The following NOTCH2 variants were observed in gnomAD, a reference collection of about 807,000 sequenced individuals.
NOTCH2 encodes notch receptor 2, also known as neurogenic locus notch homolog protein 2.
In NOTCH2, 29 loss-of-function variants were observed where a neutral mutation model predicts 235.8. The observed-to-expected ratio is 0.12, with a 90% confidence interval of 0.09 to 0.17. The LOEUF (loss-of-function observed/expected upper bound fraction) is 0.17. Ranked by LOEUF, NOTCH2 falls within the 10% of genes least tolerant of loss-of-function variation. NOTCH2 has a pLI of 1.00. For synonymous variants in NOTCH2, 1,086 were observed against 1,141.5 expected (o/e 0.95, Z 0.98); for missense variants, 2,285 against 3,150.2 (o/e 0.73, Z 6.57).
Position 119,941,452 on chromosome 1 carries a change from T to A in NOTCH2, c.2981+74A>T. On this transcript the variant is annotated intron_variant, in intron 18 of 33. Transcript: ENST00000256646. The stretch of plus-strand genomic sequence containing the variant: ...TCATCCCTGCTCCACAATTCTAGCA[T>A]TGTGCTCTGAAATTTCCTTCCCTTT... 3.8e-6 allele frequency: 4 copies of A among 1,051,688 alleles called. No homozygotes were observed. The South Asian group carries it at 5.2e-5, about 14-fold the overall frequency. 65.1% of individuals were successfully genotyped at this position (1,051,688 alleles called of 1,614,324 possible).
intron 11 of NOTCH2, among the ~76,000 whole-genome samples, chr1:119,961,833 T>A (rs1428029334): frequency 2.6e-5 from 4 of 152,100 alleles, no homozygotes; most frequent in African/African-American, 9.7e-5. Flanking sequence ...ATTTCTTCCA[T>A]CCACTCCCCT....
intron 1 of NOTCH2, among the ~76,000 whole-genome samples, chr1:120,063,750 T>A (rs1288974778): frequency 1.3e-5 from 2 of 152,198 alleles, no homozygotes; most frequent in South Asian, 2.1e-4. Flanking sequence ...AAAACTTTCC[T>A]AATGTAAGAA....
In NOTCH2 at chr1:120,011,782, C is replaced by G. The variant is rs587724968; in HGVS notation, c.156-6194G>C. Among the ~76,000 whole-genome samples, 5 of 151,966 alleles carry G rather than the reference C, an allele frequency of 3.3e-5. No homozygotes were observed. The East Asian group carries it at 9.7e-4, about 29-fold the overall frequency. On this transcript the variant is annotated intron_variant, in intron 2 of 33. Transcript: ENST00000256646. ...CTGTAATCTCAGCACTTTGGGAGAC[C>G]GAGGCAGGCAGATCACCAGGTCAGG... is the stretch of plus-strand genomic sequence containing the variant.
chr1:120,039,065 C>T (rs1454704816), intron 1 of NOTCH2, among the ~76,000 whole-genome samples: 4 of 151,910 alleles, frequency 2.6e-5, no homozygotes, highest in African/African-American at 9.7e-5. Context: ...AGTAGGTTCA[C>T]TAATACACAT....
intron 26 of NOTCH2, 152 bp from the exon 27 acceptor site, chr1:119,922,930 T>C: frequency 2.3e-6 from 2 of 874,796 alleles, no homozygotes; most frequent in Middle Eastern, 6.8e-4. Flanking sequence ...CCTTAAGACA[T>C]ATCTCAGGAA....
intron 17 of NOTCH2, among the ~76,000 whole-genome samples, chr1:119,945,140 G>A (rs587690581): frequency 1.3e-5 from 2 of 152,198 alleles, no homozygotes; most frequent in African/African-American, 4.8e-5. Context: ...TGGTACGATT[G>A]AAGGTACATT....
At chr1:120,027,428 T>C (rs1264427255) in intron 2 of NOTCH2, among the ~76,000 whole-genome samples, 1 of 148,502 alleles carries the variant, frequency 6.7e-6, no homozygotes, top group African/African-American at 2.5e-5. Flanking sequence ...CTGTATGGTA[T>C]TACCACCCTG....
chr1:120,027,366 CAT>C (rs1653899477), intron 2 of NOTCH2, among the ~76,000 whole-genome samples: 1 of 146,014 alleles, frequency 6.8e-6, no homozygotes, highest in African/African-American at 2.6e-5. Context: ...TGAAATTCTC[CAT>C]ATATAAGTCA....
rs782449791 is a variant in NOTCH2 at position 119,967,466 on chromosome 1, T to C, written c.1420A>G (p.Lys474Glu). 1 of 1,614,118 alleles carries C rather than the reference T, an allele frequency of 6.2e-7. No individual in the cohort carries two copies. Among genetic ancestry groups the C allele is most frequent in the South Asian group, 1.1e-5 (1 of 91,088 alleles). The change falls in exon 8 of 34, where the codon AAG becomes GAG. Residue 474 changes from lysine to glutamate, a missense_variant. Lys to Glu is a moderately conservative substitution (Grantham distance 56). Around this residue, in one of 6 missense-constraint regions of NOTCH2, gnomAD observed 431 missense variants for 757.8 expected, o/e 0.57. Transcript: ENST00000256646. The part of the protein sequence containing the change: ...PCQNDATCLD[K>E]IGGFTCLCMP... ...CACAGACATGTGAAGCCTCCAATCT[T>C]ATCCAGACAGGTAGCATCATTCTGG...
At chr1:120,004,099 T>C (rs1195120181) in intron 3 of NOTCH2, among the ~76,000 whole-genome samples, 2 of 151,620 alleles carry the variant, frequency 1.3e-5, no homozygotes, top group East Asian at 3.9e-4. Context: ...GATGTAGTAA[T>C]ATCATGGGTG....
chr1:120,051,159 C>T (rs1158684081), intron 1 of NOTCH2, among the ~76,000 whole-genome samples: 1 of 23,200 alleles, frequency 4.3e-5, no homozygotes, highest in Non-Finnish European at 6.0e-5. Flanking sequence ...CTATTCCTTG[C>T]CAACTGAGAT....
intron 1 of NOTCH2, 43 bp from the exon 2 acceptor site, chr1:120,030,030 C>T: frequency 1.8e-6 from 1 of 567,624 alleles, no homozygotes; most frequent in East Asian, 2.9e-5. Flanking sequence ...AGTCACTAAT[C>T]ATAACCCTCA....
In NOTCH2 at chr1:119,916,043, G is replaced by T. The variant is rs1447825836; in HGVS notation, c.6679C>A (p.His2227Asn). ...VLPSVSQLLS[H>N]HHIVSPGSGS... ...CTGCCTGGAGACACAATGTGGTGGT[G>T]GGATAGCAACTGGCTCACTGAGGGA... The change falls in exon 34 of 34, where the codon CAC becomes AAC. Residue 2227 changes from histidine (H) to asparagine (N), a missense_variant. Physicochemically the swap from His to Asn is moderately conservative, Grantham distance 68. Around this residue, in one of 6 missense-constraint regions of NOTCH2, gnomAD observed 504 missense variants for 538.0 expected, o/e 0.94. Coordinates refer to ENST00000256646, the MANE Select transcript of NOTCH2 (RefSeq NM_024408.4). 6.2e-7 allele frequency: 1 copy of T among 1,613,820 alleles called. No individual in the cohort carries two copies. The highest frequency in any genetic ancestry group is 1.1e-5 in the South Asian group (1 of 91,092).
Position 119,911,607 on chromosome 1 carries a change from T to C in NOTCH2, c.*3699A>G. ...AAATAAATGTATGAATGTGAACTTA[T>C]AACAAATTTATACACAAAATATTAT... is the stretch of plus-strand genomic sequence containing the variant. On this transcript the variant is annotated 3_prime_UTR_variant, in exon 34 of 34. Transcript: ENST00000256646. 1 of 231,922 alleles carries C rather than the reference T, an allele frequency of 4.3e-6. No homozygotes were observed. Among genetic ancestry groups the C allele is most frequent in the East Asian group, 6.2e-5 (1 of 16,234 alleles). The allele number at this position is 231,922 out of a possible 1,614,324, so 14.4% of individuals were successfully genotyped here.
At chr1:119,969,001 T>C (rs1651257969) in intron 6 of NOTCH2, among the ~76,000 whole-genome samples, 1 of 152,236 alleles carries the variant, frequency 6.6e-6, no homozygotes, top group Non-Finnish European at 1.5e-5. Flanking sequence ...CTCCTAGAAC[T>C]AGTAGTTGTT....
chr1:119,984,629 CT>C (rs1553202028), intron 5 of NOTCH2, among the ~76,000 whole-genome samples: 1 of 152,050 alleles, frequency 6.6e-6, no homozygotes, highest in Non-Finnish European at 1.5e-5. Flanking sequence ...CAAAATTTTC[CT>C]TCTGTTTTTC....
In NOTCH2 at chr1:119,922,427, T is replaced by C. The variant is rs2101154916; in HGVS notation, c.5022A>G (p.Glu1674=). The C allele has an allele frequency of 1.2e-6, 2 of 1,612,914 alleles. No individual in the cohort carries two copies. The highest frequency in any genetic ancestry group is 2.2e-5 in the South Asian group (2 of 90,850). Residue 1674 remains glutamate, a synonymous_variant, in exon 28 of 34, where the codon GAA becomes GAG. Coordinates refer to ENST00000256646, the MANE Select transcript of NOTCH2 (RefSeq NM_024408.4). The part of the protein sequence containing the change: ...VSVVSESLTP[E]RTQLLYLLAV... ...CAAGGAGATAGAGGAGCTGAGTGCG[T>C]TCTGGAGTCAGGGATTCACCTGAAA...
chr1:119,933,453 G>A (rs1463846446), intron 22 of NOTCH2, among the ~76,000 whole-genome samples: 2 of 152,122 alleles, frequency 1.3e-5, no homozygotes, highest in East Asian at 3.8e-4. Flanking sequence ...CTGTAAGTAG[G>A]ATAAACTCAA....
intron 5 of NOTCH2, among the ~76,000 whole-genome samples, chr1:119,974,293 C>T (rs953608841): frequency 5.3e-5 from 8 of 152,184 alleles, no homozygotes; most frequent in Non-Finnish European, 1.0e-4. Flanking sequence ...AATAATTATC[C>T]CTCTCAGTAA....
Sources: allele counts gnomAD v4.1 joint callset (sites outside exome capture counted in the v4.1 genomes callset), GRCh38; gene constraint gnomAD v4.1.1; regional missense constraint gnomAD v4.1.1; transcripts MANE v1.5; gene names NCBI Gene and HGNC (gene_info 2026-07-23, HGNC 2026-07-21).